The following EPHB1 variants were observed in gnomAD, a reference collection of about 807,000 sequenced individuals.
The protein encoded by EPHB1 is EPH receptor B1.
In EPHB1, 30 loss-of-function variants were observed where a neutral mutation model predicts 94.4. The ratio of observed to expected loss-of-function variants is 0.32; its 90% CI spans 0.24 to 0.43. The LOEUF is 0.43. EPHB1 is among the 20% of genes least tolerant of loss of function. The pLI, the probability that EPHB1 is intolerant of heterozygous loss-of-function variation, is 1.00. For missense variants in EPHB1, 1,055 were observed against 1,308.3 expected (o/e 0.81, Z 2.99); for synonymous variants, 522 against 489.1 (o/e 1.07, Z -0.89).
chr3:134,959,684 C>G (rs1933428916), intron 3 of EPHB1, among the ~76,000 whole-genome samples: 1 of 152,166 alleles, frequency 6.6e-6, no homozygotes, highest in Non-Finnish European at 1.5e-5. Context: ...GCTTATGAAC[C>G]AGCAGATAAT....
intron 1 of EPHB1, among the ~76,000 whole-genome samples, chr3:134,812,001 T>C (rs6439522): frequency 0.69 from 104,497 of 152,112 alleles, 37,340 homozygotes; most frequent in East Asian, 0.87. Context: ...TGCCAGTAGG[T>C]GTGGAAGCAT....
rs577123783 is a variant in EPHB1 at position 135,259,317 on chromosome 3, G to A, written c.*197G>A. The A allele has an allele frequency of 7.1e-5, 32 of 447,574 alleles. No homozygotes were observed. The highest frequency in any genetic ancestry group is 6.3e-4 in the South Asian group (15 of 23,882). The allele number at this position is 447,574 out of a possible 1,614,324, so 27.7% of individuals were successfully genotyped here. On this transcript the variant is annotated 3_prime_UTR_variant, in exon 16 of 16. Transcript: ENST00000398015. ...GTGACAGAAGCATGTTTGAGATGCCGTGGGAAACCAAATATATAATAATAA... is the reference window on the plus strand; with the variant it reads ...GTGACAGAAGCATGTTTGAGATGCCATGGGAAACCAAATATATAATAATAA...
intron 1 of EPHB1, among the ~76,000 whole-genome samples, chr3:134,885,178 A>T (rs2037837239): frequency 6.6e-6 from 1 of 152,246 alleles, no homozygotes; most frequent in Non-Finnish European, 1.5e-5. Context: ...AATGTACTGG[A>T]TGGGATTGAT....
chr3:135,149,302 G>T (rs1411231006), intron 5 of EPHB1, among the ~76,000 whole-genome samples: 1 of 152,110 alleles, frequency 6.6e-6, no homozygotes, highest in Non-Finnish European at 1.5e-5. Context: ...ATGTGTGTTT[G>T]CCAAAAAGAG....
intron 3 of EPHB1, among the ~76,000 whole-genome samples, chr3:134,959,008 G>A (rs1454049902): frequency 6.6e-6 from 1 of 152,210 alleles, no homozygotes. Context: ...TAGAGCTACT[G>A]ATCATGATTT....
intron 1 of EPHB1, among the ~76,000 whole-genome samples, chr3:134,898,629 G>C (rs2038135472): frequency 6.6e-6 from 1 of 152,144 alleles, no homozygotes; most frequent in South Asian, 2.1e-4. Context: ...GTGTTTTCTA[G>C]GCACCCATCT....
At chr3:134,829,987 C>T (rs1378903552) in intron 1 of EPHB1, among the ~76,000 whole-genome samples, 1 of 152,130 alleles carries the variant, frequency 6.6e-6, no homozygotes, top group Non-Finnish European at 1.5e-5. Flanking sequence ...CTGCCAACAC[C>T]GTGATTTCAG....
rs555988743 is a variant in EPHB1 at position 134,814,838 on chromosome 3, CG to C, written c.58+19151del. Among the ~76,000 whole-genome samples, 73 of 152,278 alleles carry C rather than the reference CG, an allele frequency of 4.8e-4. 1 individual carries two copies. The highest frequency in any genetic ancestry group is 1.8e-3 in the African/African-American group (73 of 41,554). On this transcript the variant is annotated intron_variant, in intron 1 of 15. Coordinates refer to ENST00000398015, the MANE Select transcript of EPHB1 (RefSeq NM_004441.5). ...GTGGTCTGGACCAGCTCTTCACAGACGGTCTTCTTTGGTGTCACCACTCGGT... is the reference window on the plus strand; with the variant it reads ...GTGGTCTGGACCAGCTCTTCACAGACGTCTTCTTTGGTGTCACCACTCGGT...
rs1389231244 is a variant in EPHB1 at position 135,259,232 on chromosome 3, G to C, written c.*112G>C. ...GAGACTGGCTTCTCAGCTGAGGAAT[G>C]CATTTCCATCAGTGAAGAATCAACC... is the stretch of plus-strand genomic sequence containing the variant. On this transcript the variant is annotated 3_prime_UTR_variant, in exon 16 of 16. Coordinates refer to ENST00000398015, the MANE Select transcript of EPHB1 (RefSeq NM_004441.5). 22 of 788,484 alleles carry C rather than the reference G, an allele frequency of 2.8e-5. 1 individual carries two copies. Among genetic ancestry groups the C allele is most frequent in the Non-Finnish European group, 1.4e-5 (7 of 493,236 alleles). The allele number at this position is 788,484 out of a possible 1,614,324, so 48.8% of individuals were successfully genotyped here.
chr3:134,966,615 C>G (rs907566225), intron 3 of EPHB1, among the ~76,000 whole-genome samples: 3 of 152,378 alleles, frequency 2.0e-5, no homozygotes, highest in African/African-American at 2.4e-5. Context: ...TCTTCCCAGG[C>G]AGGGCTGGCT....
chr3:134,965,864 A>G (rs570456875), intron 3 of EPHB1, among the ~76,000 whole-genome samples: 6 of 151,912 alleles, frequency 3.9e-5, no homozygotes, highest in Admixed American at 3.3e-4. Context: ...CCACACAACC[A>G]CTTCTTTGGG....
intron 1 of EPHB1, among the ~76,000 whole-genome samples, chr3:134,888,909 GGGA>G (rs151221295): frequency 0.058 from 8,772 of 150,702 alleles, 282 homozygotes; most frequent in South Asian, 0.13. Context: ...GCTCTGGAAG[GGGA>G]GGGGGGCCCT....
chr3:135,012,421 A>C (rs528261862), intron 3 of EPHB1, among the ~76,000 whole-genome samples: 5 of 152,228 alleles, frequency 3.3e-5, no homozygotes, highest in African/African-American at 1.2e-4. Flanking sequence ...TGGCTTGTAC[A>C]CACACACTTA....
At chr3:134,881,192 C>A (rs1475200114) in intron 1 of EPHB1, among the ~76,000 whole-genome samples, 1 of 152,028 alleles carries the variant, frequency 6.6e-6, no homozygotes, top group Non-Finnish European at 1.5e-5. Flanking sequence ...TATGCTGTTT[C>A]CAAAGCAGGA....
intron 12 of EPHB1, among the ~76,000 whole-genome samples, chr3:135,215,677 G>C (rs958167231): frequency 1.1e-4 from 16 of 152,322 alleles, no homozygotes; most frequent in Admixed American, 2.6e-4. Flanking sequence ...AAACTAAAAT[G>C]ACTGTGTCCA....
intron 15 of EPHB1, among the ~76,000 whole-genome samples, chr3:135,257,371 A>T (rs1339038365): frequency 6.6e-6 from 1 of 151,636 alleles, no homozygotes; most frequent in Non-Finnish European, 1.5e-5. Context: ...GTCTTTGATG[A>T]TGGTGATGTA....
intron 3 of EPHB1, among the ~76,000 whole-genome samples, chr3:135,029,828 T>C (rs1936354348): frequency 6.6e-6 from 1 of 152,130 alleles, no homozygotes; most frequent in Non-Finnish European, 1.5e-5. Flanking sequence ...TTTTCCAACT[T>C]GGTTCCATTC....
chr3:134,955,067 C>CTT (rs1309937375), intron 3 of EPHB1, among the ~76,000 whole-genome samples: 3 of 7,098 alleles, frequency 4.2e-4, no homozygotes, highest in Admixed American at 2.1e-3. Flanking sequence ...TCCTGACATC[C>CTT]TTTCTTTTTT....
intron 3 of EPHB1, among the ~76,000 whole-genome samples, chr3:135,000,300 A>G (rs918977913): frequency 3.3e-5 from 5 of 152,222 alleles, no homozygotes; most frequent in Non-Finnish European, 7.3e-5. Context: ...TCAGGTGTTG[A>G]CACCATAGAG....
Sources: allele counts gnomAD v4.1 joint callset (sites outside exome capture counted in the v4.1 genomes callset), GRCh38; gene constraint gnomAD v4.1.1; transcripts MANE v1.5; gene names NCBI Gene and HGNC (gene_info 2026-07-23, HGNC 2026-07-21).